The following HERC3 variants were observed in gnomAD, a reference collection of about 807,000 sequenced individuals.
The protein encoded by HERC3 is probable E3 ubiquitin-protein ligase HERC3.
HERC3 carries 58 observed loss-of-function variants against 129.9 expected under a neutral mutation model. The ratio of observed to expected loss-of-function variants is 0.45; its 90% confidence interval spans 0.36 to 0.56. HERC3 has a LOEUF of 0.56. HERC3 is among the 20% of genes least tolerant of loss of function. The pLI, the probability that HERC3 is intolerant of heterozygous loss-of-function variation, is 0.00. For missense variants in HERC3, 835 were observed against 1,244.2 expected (o/e 0.67, Z 4.95); for synonymous variants, 430 against 451.0 (o/e 0.95, Z 0.59).
intron 2 of HERC3, among the ~76,000 whole-genome samples, chr4:88,601,119 T>G (rs890895209): frequency 9.2e-5 from 14 of 152,218 alleles, no homozygotes; most frequent in Non-Finnish European, 1.9e-4. Context: ...ATCTTAATAC[T>G]TTTTTAGTGT....
chr4:88,596,578 C>A (rs1034783417), intron 2 of HERC3, among the ~76,000 whole-genome samples: 3 of 152,196 alleles, frequency 2.0e-5, no homozygotes, highest in African/African-American at 7.2e-5. Flanking sequence ...GAGAAACTCC[C>A]AGTCTGCACG....
chr4:88,540,255 C>T, the HERC3 span, among the ~76,000 whole-genome samples: 1 of 152,134 alleles, frequency 6.6e-6, no homozygotes, highest in Admixed American at 6.5e-5. Context: ...CCTTAAATGA[C>T]CTGATGGAGC....
At chr4:88,664,103 T>C (rs776508188) in intron 11 of HERC3, 50 bp from the exon 12 acceptor site, 4 of 1,488,318 alleles carry the variant, frequency 2.7e-6, no homozygotes, top group Non-Finnish European at 2.8e-6. Context: ...TAAATAACCA[T>C]TTATTTGTAA....
At chr4:88,550,367 C>T in the HERC3 span, among the ~76,000 whole-genome samples, 5 of 152,178 alleles carry the variant, frequency 3.3e-5, no homozygotes, top group East Asian at 3.8e-4. Context: ...GACGACATGA[C>T]TGTATATCTA....
intron 19 of HERC3, among the ~76,000 whole-genome samples, chr4:88,679,502 C>T (rs1213761118): frequency 2.7e-5 from 4 of 149,474 alleles, no homozygotes; most frequent in Admixed American, 6.7e-5. Context: ...TGTCTTTCTG[C>T]GCTTAAGTAG....
intron 16 of HERC3, among the ~76,000 whole-genome samples, chr4:88,675,884 ATTAAC>A (rs1479929186): frequency 1.3e-5 from 2 of 152,198 alleles, no homozygotes; most frequent in Admixed American, 6.5e-5. Flanking sequence ...CCCAACAAAA[ATTAAC>A]CTGTGAAGTC....
At chr4:88,616,359 A>G (rs1036311556) in intron 3 of HERC3, among the ~76,000 whole-genome samples, 2 of 152,248 alleles carry the variant, frequency 1.3e-5, no homozygotes, top group African/African-American at 4.8e-5. Flanking sequence ...GAATCAAATT[A>G]GGTCGCTGTG....
intron 23 of HERC3, among the ~76,000 whole-genome samples, chr4:88,699,344 C>T (rs1319929516): frequency 7.2e-5 from 7 of 97,684 alleles, no homozygotes. Flanking sequence ...GCAGCCCCAC[C>T]CTCTTCTTCC....
intron 2 of HERC3, among the ~76,000 whole-genome samples, chr4:88,595,916 T>G (rs1722331576): frequency 7.0e-6 from 1 of 142,890 alleles, no homozygotes; most frequent in Non-Finnish European, 1.5e-5. Context: ...TGGCGGGATC[T>G]CGGCTCACTG....
chr4:88,704,863 C>CTTTTT (rs1165694315), intron 25 of HERC3, among the ~76,000 whole-genome samples: 7 of 130,668 alleles, frequency 5.4e-5, no homozygotes, highest in African/African-American at 1.8e-4. Flanking sequence ...TTCTTTCTTT[C>CTTTTT]TTTTTTTTTT....
At chr4:88,688,310 T>A (rs1012943012) in intron 23 of HERC3, among the ~76,000 whole-genome samples, 1 of 152,176 alleles carries the variant, frequency 6.6e-6, no homozygotes, top group Non-Finnish European at 1.5e-5. Flanking sequence ...GTGGAGGTTA[T>A]CAAGGCCTTG....
At chr4:88,563,080 A>C in the HERC3 span, among the ~76,000 whole-genome samples, 4 of 152,156 alleles carry the variant, frequency 2.6e-5, no homozygotes, top group African/African-American at 9.7e-5. Flanking sequence ...GAATCTGTAG[A>C]TTGCTTTGGG....
At chr4:88,640,123 TTGG>T (rs897324806) in intron 3 of HERC3, among the ~76,000 whole-genome samples, 1 of 152,212 alleles carries the variant, frequency 6.6e-6, no homozygotes, top group African/African-American at 2.4e-5. Flanking sequence ...TTTTACACTG[TTGG>T]TGGGAGTGTA....
chr4:88,586,966 C>G, the HERC3 span, among the ~76,000 whole-genome samples: 1 of 152,136 alleles, frequency 6.6e-6, no homozygotes, highest in African/African-American at 2.4e-5. Flanking sequence ...ACACATTTTG[C>G]TCTAGGCTTT....
intron 12 of HERC3, 143 bp from the exon 13 acceptor site, chr4:88,667,234 A>G: frequency 2.2e-6 from 1 of 448,912 alleles, no homozygotes; most frequent in South Asian, 4.4e-5. Flanking sequence ...GATTTATGCA[A>G]AGTGTAGTAT....
At chr4:88,541,755 C>A in the HERC3 span, among the ~76,000 whole-genome samples, 3 of 152,174 alleles carry the variant, frequency 2.0e-5, no homozygotes, top group Non-Finnish European at 2.9e-5. Context: ...TCTCTCAGAC[C>A]ACAGTGAAAT....
chr4:88,652,977 C>T lies in HERC3; in HGVS notation c.572C>T (p.Pro191Leu). The T allele has an allele frequency of 6.2e-7, 1 of 1,614,196 alleles. No homozygotes were observed. Among genetic ancestry groups the T allele is most frequent in the South Asian group, 1.1e-5 (1 of 91,082 alleles). ...PQRVRSLEGI[P>L]LAQVAAGGAH... ...AGGGTGAGGTCCCTGGAGGGGATCC[C>T]ACTGGCTCAGGTGGCTGCCGGAGGG... The change falls in exon 6 of 26, where the codon CCA becomes CTA. Residue 191 changes from proline (P) to leucine (L), a missense_variant. Physicochemically the swap from Pro to Leu is moderately conservative, Grantham distance 98. Coordinates refer to ENST00000402738, the MANE Select transcript of HERC3 (RefSeq NM_014606.3).
chr4:88,692,522 C>G (rs1007047736), intron 23 of HERC3, among the ~76,000 whole-genome samples: 1 of 152,052 alleles, frequency 6.6e-6, no homozygotes, highest in Non-Finnish European at 1.5e-5. Context: ...ACTTCAGGAC[C>G]GCTGGCAGAC....
intron 3 of HERC3, among the ~76,000 whole-genome samples, chr4:88,620,910 T>C (rs943691437): frequency 1.3e-5 from 2 of 152,196 alleles, no homozygotes; most frequent in African/African-American, 2.4e-5. Flanking sequence ...CTCCATTTAC[T>C]ACCCTGTGTT....
Sources: allele counts gnomAD v4.1 joint callset (sites outside exome capture counted in the v4.1 genomes callset), GRCh38; gene constraint gnomAD v4.1.1; transcripts MANE v1.5; gene names NCBI Gene and HGNC (gene_info 2026-07-23, HGNC 2026-07-21).